Variants in PMS2 observed in about 807,000 individuals in gnomAD.
The protein encoded by PMS2 is PMS1 homolog 2, mismatch repair system component.
PMS2 carries 69 observed loss-of-function variants against 90.0 expected under a neutral mutation model. The ratio of observed to expected loss-of-function variants is 0.77; its 90% confidence interval spans 0.63 to 0.94. The LOEUF is 0.94. Ranked by LOEUF, PMS2 falls within the 40% of genes least tolerant of loss-of-function variation. The probability of loss-of-function intolerance (pLI) is 0.00; values close to 1 mark genes in which losing one functional copy is unlikely to be tolerated. For missense variants in PMS2, 966 were observed against 1,040.2 expected (o/e 0.93, Z 0.98); for synonymous variants, 332 against 375.1 (o/e 0.89, Z 1.33).
chr7:5,995,741 A>T (rs1317635166), intron 7 of PMS2, 108 bp from the exon 8 acceptor site: 3 of 805,786 alleles, frequency 3.7e-6, no homozygotes, highest in Non-Finnish European at 2.2e-6. Flanking sequence ...ACCAGGTGAC[A>T]TGCTGATAAG....
rs1562670885 is a variant in PMS2, at chr7:5,997,392, G to T, written c.737C>A (p.Pro246His). The stretch of plus-strand genomic sequence containing the variant: ...CTCTTCACACACGGAGTCACTAGGG[G>T]GCAGCTGAACAAAAGGAATGAGGCT... ...LQSLIPFVQL[P>H]PSDSVCEEYG... Residue 246 changes from proline to histidine, a missense_variant, in exon 7 of 15, where the codon CCC becomes CAC. Transcript: ENST00000265849. 6.2e-7 allele frequency: 1 copy of T among 1,604,814 alleles called. No individual in the cohort carries two copies. The highest frequency in any genetic ancestry group is 8.5e-7 in the Non-Finnish European group (1 of 1,173,768).
At position 5,982,930 on chromosome 7, in the gene PMS2, T is replaced by G. The variant is rs587781909; in HGVS notation, c.2068A>C (p.Lys690Gln). The G allele has an allele frequency of 2.7e-5, 43 of 1,592,150 alleles. 1 individual carries two copies. The Middle Eastern group carries it at 1.2e-3, about 43-fold the overall frequency. Residue 690 changes from lysine to glutamine, a missense_variant, in exon 12 of 15, where the codon AAA becomes CAA. Lys to Gln is a moderately conservative substitution (Grantham distance 53). Transcript: ENST00000265849. Reference protein sequence around the residue: ...GQFNLGFIITKLNEDIFIVDQ... With the variant: ...GQFNLGFIITQLNEDIFIVDQ... Reference sequence around the variant, plus strand: ...ACTATGAAGATATCCTCATTCAGTTTGGTTATTATAAATCCCAGGTTAAAC... The same window carrying G: ...ACTATGAAGATATCCTCATTCAGTTGGGTTATTATAAATCCCAGGTTAAAC...
chr7:5,987,961 G>A (rs1273290127), intron 10 of PMS2, among the ~76,000 whole-genome samples: 5 of 147,262 alleles, frequency 3.4e-5, no homozygotes, highest in Non-Finnish European at 3.0e-5. Context: ...GCTGAGGCAC[G>A]AGAATCCCTT....
intron 2 of PMS2, 121 bp downstream of exon 2, chr7:6,005,771 T>C: frequency 6.6e-7 from 1 of 1,510,960 alleles, no homozygotes; most frequent in Non-Finnish European, 9.1e-7. Context: ...TAACTTCAAC[T>C]TAAAAATAAT....
chr7:6,002,563 T>G lies in PMS2; in HGVS notation c.427A>C (p.Ile143Leu), dbSNP rs1785218471. Residue 143 changes from isoleucine to leucine, a missense_variant, in exon 5 of 15, where the codon ATT becomes CTT. Physicochemically the swap from Ile to Leu is conservative, Grantham distance 5. Around this residue, in one of 2 missense-constraint regions of PMS2, gnomAD observed 871 missense variants for 802.4 expected, o/e 1.09. Coordinates refer to ENST00000265849, the MANE Select transcript of PMS2 (RefSeq NM_000535.7). ...CGGGGGTAGGGGGTTTTCTGGATAA[T>G]TTTCCCATTGTGATCAAACATCAGT... is the stretch of plus-strand genomic sequence containing the variant. ...TRLMFDHNGK[I>L]IQKTPYPRPR... 2 of 1,611,758 alleles carry G rather than the reference T, an allele frequency of 1.2e-6. No individual in the cohort carries two copies. Among genetic ancestry groups the G allele is most frequent in the South Asian group, 2.2e-5 (2 of 90,972 alleles).
Position 6,001,488 on chromosome 7 carries a change from A to G in PMS2, c.537+965T>C, listed in dbSNP as rs575289782. Among the ~76,000 whole-genome samples the G allele has an allele frequency of 7.3e-3, 1,108 of 150,808 alleles. 11 individuals are homozygous for G. Among genetic ancestry groups the G allele is most frequent in the African/African-American group, 0.026 (1,067 of 40,966 alleles). ...CGGATTCCAGCGATTCTCCTGCCTC[A>G]GCCTCCCAAGGAGCTGGGACTACAG... On this transcript the variant is annotated intron_variant, in intron 5 of 14. Coordinates refer to ENST00000265849, the MANE Select transcript of PMS2 (RefSeq NM_000535.7).
chr7:6,008,762 G>C (rs1318309374), intron 1 of PMS2, among the ~76,000 whole-genome samples: 1 of 152,164 alleles, frequency 6.6e-6, no homozygotes, highest in Non-Finnish European at 1.5e-5. Flanking sequence ...ACTCCTCACA[G>C]GGCCGAATCC....
chr7:6,007,856 ATTTTT>A (rs144545311), intron 1 of PMS2, among the ~76,000 whole-genome samples: 3 of 126,592 alleles, frequency 2.4e-5, no homozygotes, highest in Non-Finnish European at 1.6e-5. Flanking sequence ...TCCACTTCTG[ATTTTT>A]TTTTTTTTTT....
chr7:5,983,459 T>A (rs971725369), intron 11 of PMS2, among the ~76,000 whole-genome samples: 2 of 151,506 alleles, frequency 1.3e-5, no homozygotes, highest in Non-Finnish European at 2.9e-5. Context: ...CATCCAACTC[T>A]CCGGAGAAGA....
chr7:6,006,231 T>C (rs991146575), intron 1 of PMS2, among the ~76,000 whole-genome samples, 200 bp from the exon 2 acceptor site: 3 of 152,220 alleles, frequency 2.0e-5, no homozygotes, highest in African/African-American at 7.2e-5. Context: ...AAAATACTTC[T>C]GGATAGATAC....
intron 3 of PMS2, 48 bp from the exon 4 acceptor site, chr7:6,003,840 C>G (rs770731843): frequency 7.5e-7 from 1 of 1,333,098 alleles, no homozygotes. Flanking sequence ...AGTGCTATAA[C>G]AACAAAATAT....
rs967502389 is a variant in PMS2, at chr7:5,977,619, T to C, written c.2414A>G (p.Gln805Arg). The stretch of plus-strand genomic sequence containing the variant: ...CCGGCAGGCTCTGGAGGCAAACATC[T>C]GCTTGACTCGGGAAGGCCGGCACAT... Reference protein sequence around the residue: ...GVMCRPSRVKQMFASRACRKS... With the variant: ...GVMCRPSRVKRMFASRACRKS... Residue 805 changes from glutamine (Q) to arginine (R), a missense_variant, in exon 14 of 15, where the codon CAG (glutamine) becomes CGG (arginine). By Grantham distance (43) the Gln-to-Arg change is conservative (BLOSUM62 1). Transcript: ENST00000265849. 1.9e-6 allele frequency: 3 copies of C among 1,591,046 alleles called. No individual in the cohort carries two copies. The African/African-American group carries it at 4.1e-5, about 22-fold the overall frequency.
At chr7:5,994,505 G>A (rs574033711) in intron 8 of PMS2, among the ~76,000 whole-genome samples, 1 of 152,186 alleles carries the variant, frequency 6.6e-6, no homozygotes, top group Non-Finnish European at 1.5e-5. Context: ...TGGGCGCGGT[G>A]GCTCACACCT....
rs755241829 is a variant in PMS2, at chr7:5,982,935, A to G, written c.2063T>C (p.Ile688Thr). ...GAAGATATCCTCATTCAGTTTGGTTATTATAAATCCCAGGTTAAACTGACC... is the reference window on the plus strand; with the variant it reads ...GAAGATATCCTCATTCAGTTTGGTTGTTATAAATCCCAGGTTAAACTGACC... Reference protein sequence around the residue: ...IIGQFNLGFIITKLNEDIFIV... With the variant: ...IIGQFNLGFITTKLNEDIFIV... Residue 688 changes from isoleucine (I) to threonine (T), a missense_variant, in exon 12 of 15, where the codon ATA (isoleucine) becomes ACA (threonine). Ile to Thr is a moderately conservative substitution (Grantham distance 89). Around this residue, in one of 2 missense-constraint regions of PMS2, gnomAD observed 95 missense variants for 237.8 expected, o/e 0.40. Coordinates refer to ENST00000265849, the MANE Select transcript of PMS2 (RefSeq NM_000535.7). 1.9e-6 allele frequency: 3 copies of G among 1,590,544 alleles called. No homozygotes were observed. The Admixed American group carries it at 5.2e-5, about 27-fold the overall frequency.
intron 12 of PMS2, among the ~76,000 whole-genome samples, chr7:5,980,872 G>A (rs1225761507): frequency 2.7e-5 from 4 of 150,430 alleles, no homozygotes; most frequent in African/African-American, 4.9e-5. Context: ...AACAATTCAC[G>A]CATTCCACAG....
At chr7:5,997,764 G>C (rs925522434) in intron 6 of PMS2, among the ~76,000 whole-genome samples, 13 of 152,016 alleles carry the variant, frequency 8.6e-5, no homozygotes, top group Non-Finnish European at 5.9e-5. Flanking sequence ...TATCCAAGCT[G>C]GTCTTAAATT....
At chr7:5,986,617 G>C (rs569607941) in intron 11 of PMS2, 142 bp downstream of exon 11, 19 of 583,316 alleles carry the variant, frequency 3.3e-5, no homozygotes, top group African/African-American at 3.8e-5. Context: ...GCTTGAACCC[G>C]GGAGGTGGAG....
chr7:5,978,299 T>C (rs1781935722), intron 13 of PMS2, among the ~76,000 whole-genome samples: 1 of 148,536 alleles, frequency 6.7e-6, no homozygotes, highest in Non-Finnish European at 1.5e-5. Context: ...AGACAGAGTT[T>C]CACTCTTGTT....
chr7:5,986,997 T>C lies in PMS2; in HGVS notation c.1768A>G (p.Ile590Val), dbSNP rs63750476. ...KKEEILSSSD[I>V]CQKLVNTQDM... is the part of the protein sequence containing the mutation. ...TGAGTATTTACTAACTTTTGACAAA[T>C]GTCAGAACTGGAAAGAATTTCTTCT... The change falls in exon 11 of 15, where the codon ATT becomes GTT. Residue 590 changes from isoleucine (I) to valine (V), a missense_variant. Physicochemically the swap from Ile to Val is conservative, Grantham distance 29. Transcript: ENST00000265849. The C allele has an allele frequency of 6.2e-7, 1 of 1,614,210 alleles. No individual in the cohort carries two copies. Among genetic ancestry groups the C allele is most frequent in the South Asian group, 1.1e-5 (1 of 91,088 alleles).
Sources: gnomAD v4.1 joint callset for allele counts (sites outside exome capture counted in the v4.1 genomes callset) on GRCh38, gnomAD v4.1.1 for gene constraint, gnomAD v4.1.1 regional missense constraint, MANE v1.5 for transcripts, NCBI Gene and HGNC (gene_info 2026-07-23, HGNC 2026-07-21) for gene names.